Variants in PARD3B observed in about 807,000 individuals in gnomAD.
PARD3B encodes the protein partitioning defective 3 homolog B.
In PARD3B, 103 loss-of-function variants were observed where a neutral mutation model predicts 130.2. The observed-to-expected ratio is 0.79, with a 90% CI of 0.67 to 0.93. PARD3B has a LOEUF of 0.93. PARD3B is among the 40% of genes least tolerant of loss of function. The pLI, the probability that PARD3B is intolerant of heterozygous loss-of-function variation, is 0.00. For missense variants in PARD3B, 1,609 were observed against 1,499.2 expected, an observed-to-expected ratio of 1.07 and a Z score of -1.21; for synonymous variants, 583 against 553.2, an observed-to-expected ratio of 1.05 and a Z score of -0.76.
At chr2:205,055,081 C>T (rs1027772098) in intron 4 of PARD3B, among the ~76,000 whole-genome samples, 2 of 152,120 alleles carry the variant, frequency 1.3e-5, no homozygotes, top group African/African-American at 4.8e-5. Context: ...GTATTCAAGC[C>T]CCCAGGCACA....
At chr2:205,002,714 A>G (rs1017420669) in intron 3 of PARD3B, among the ~76,000 whole-genome samples, 1 of 152,072 alleles carries the variant, frequency 6.6e-6, no homozygotes, top group Non-Finnish European at 1.5e-5. Context: ...CAAAATAGCC[A>G]TCAGATCAGG....
Position 204,751,723 on chromosome 2 carries a change from A to G in PARD3B, c.222+65441A>G, listed in dbSNP as rs571250840. ...TTGACCAAAATTCAGCACTTGGCCA[A>G]AATTGCTGAAAATTGAGAGAAACTG... On this transcript the variant is annotated intron_variant, in intron 2 of 22. Coordinates refer to ENST00000406610, the MANE Select transcript of PARD3B (RefSeq NM_001302769.2). Among the ~76,000 whole-genome samples, 62 of 152,302 alleles carry G rather than the reference A, an allele frequency of 4.1e-4. No individual in the cohort carries two copies. The Middle Eastern group carries it at 0.014, about 33-fold the overall frequency.
chr2:204,812,388 G>A (rs1399995438), intron 2 of PARD3B, among the ~76,000 whole-genome samples: 1 of 152,102 alleles, frequency 6.6e-6, no homozygotes, highest in African/African-American at 2.4e-5. Flanking sequence ...GGGAGTGAAA[G>A]TTTATTAAAA....
chr2:204,837,280 C>T (rs917773194), intron 2 of PARD3B, among the ~76,000 whole-genome samples: 2 of 151,724 alleles, frequency 1.3e-5, no homozygotes, highest in African/African-American at 2.4e-5. Context: ...TACAAGAGCC[C>T]GTGTCTTCTA....
At chr2:204,781,839 T>C (rs971816829) in intron 2 of PARD3B, among the ~76,000 whole-genome samples, 4 of 152,128 alleles carry the variant, frequency 2.6e-5, no homozygotes, top group Admixed American at 6.6e-5. Flanking sequence ...TTTGCTTTGT[T>C]GAAACAAAGT....
chr2:205,440,578 C>T lies in PARD3B; in HGVS notation c.2950C>T (p.Arg984Trp), dbSNP rs199699507. The T allele has an allele frequency of 2.0e-4, 327 of 1,614,008 alleles. No homozygotes were observed. Among genetic ancestry groups the T allele is most frequent in the South Asian group, 2.9e-4 (26 of 91,076 alleles). The change falls in exon 20 of 23, where the codon CGG becomes TGG. Residue 984 changes from arginine (R) to tryptophan (W), a missense_variant. Coordinates refer to ENST00000406610, the MANE Select transcript of PARD3B (RefSeq NM_001302769.2). The surrounding 1 kb of genome is among the most constrained non-coding windows in gnomAD (Gnocchi z 4.2). ...PPRAGPFGYP[R>W]DGHPLSPERD... ...TCGAGCTGGACCATTTGGTTACCCTCGGGATGGCCATCCACTGTCTCCAGA... is the reference window on the plus strand; with the variant it reads ...TCGAGCTGGACCATTTGGTTACCCTTGGGATGGCCATCCACTGTCTCCAGA...
chr2:204,703,310 G>C (rs975555770), intron 2 of PARD3B, among the ~76,000 whole-genome samples: 1 of 152,114 alleles, frequency 6.6e-6, no homozygotes, highest in Non-Finnish European at 1.5e-5. Flanking sequence ...CCCTGCACTT[G>C]CTCATTTATG....
At chr2:205,354,288 T>C (rs12468851) in intron 18 of PARD3B, among the ~76,000 whole-genome samples, 90,729 of 150,760 alleles carry the variant, frequency 0.6, 30,460 homozygotes, top group South Asian at 0.77. Flanking sequence ...CCCGTTCAGT[T>C]ACCGGTCAGG....
chr2:204,735,907 G>A (rs2039726856), intron 2 of PARD3B, among the ~76,000 whole-genome samples: 1 of 152,144 alleles, frequency 6.6e-6, no homozygotes. Context: ...GGTGAAGGGT[G>A]TATGAGCATT....
intron 1 of PARD3B, among the ~76,000 whole-genome samples, chr2:204,679,552 A>G (rs1367663011): frequency 6.6e-6 from 1 of 152,158 alleles, no homozygotes; most frequent in African/African-American, 2.4e-5. Flanking sequence ...AATCTATGAT[A>G]GTCTTCTTTA....
chr2:205,498,695 A>G (rs763132926), intron 20 of PARD3B, among the ~76,000 whole-genome samples: 6 of 152,202 alleles, frequency 3.9e-5, no homozygotes, highest in Admixed American at 6.5e-5. Flanking sequence ...TCATTGCTTT[A>G]CTTTGCACTC....
intron 20 of PARD3B, among the ~76,000 whole-genome samples, chr2:205,485,884 C>T (rs2049420858): frequency 1.3e-5 from 2 of 152,174 alleles, no homozygotes; most frequent in Admixed American, 1.3e-4. Flanking sequence ...CAAGTTAACA[C>T]CCTCTGCTCT....
intron 20 of PARD3B, among the ~76,000 whole-genome samples, chr2:205,445,563 C>T (rs1210959996): frequency 2.0e-5 from 3 of 152,152 alleles, no homozygotes; most frequent in Non-Finnish European, 2.9e-5. Flanking sequence ...CGAGAACTCA[C>T]TCACCATTAC....
In PARD3B at chr2:205,146,312, C is replaced by T. The variant is rs2033354779; in HGVS notation, c.1435-12410C>T. ...AGGGCCCAGCTTCCCAAATGGGCTA[C>T]TTCTCAGGATCAGGCCCATTATGCT... On this transcript the variant is annotated intron_variant, in intron 10 of 22. Transcript: ENST00000406610. The surrounding 1 kb of genome is among the most constrained non-coding windows in gnomAD (Gnocchi z 4.3). Among the ~76,000 whole-genome samples, 1 of 152,166 alleles carries T rather than the reference C, an allele frequency of 6.6e-6. No individual in the cohort carries two copies. Among genetic ancestry groups the T allele is most frequent in the Non-Finnish European group, 1.5e-5 (1 of 68,040 alleles).
In PARD3B at chr2:204,809,210, C is replaced by G. The variant is rs372420284; in HGVS notation, c.222+122928C>G. On this transcript the variant is annotated intron_variant, in intron 2 of 22. Transcript: ENST00000406610. ...CATGTGCATAGTTTGAAAAAATTTT[C>G]TCCCATTCTGCAGGTTGTCTGTTTA... 2.6e-3 allele frequency among the ~76,000 whole-genome samples: 393 copies of G among 151,988 alleles called. 1 individual carries two copies. Among genetic ancestry groups the G allele is most frequent in the Middle Eastern group, 0.014 (4 of 294 alleles).
At chr2:205,412,416 G>A (rs2046631118) in intron 19 of PARD3B, among the ~76,000 whole-genome samples, 1 of 152,148 alleles carries the variant, frequency 6.6e-6, no homozygotes, top group Non-Finnish European at 1.5e-5. Flanking sequence ...GAAGATATAA[G>A]TATTCATGTT....
chr2:204,824,388 T>G (rs2043487086), intron 2 of PARD3B, among the ~76,000 whole-genome samples: 1 of 152,198 alleles, frequency 6.6e-6, no homozygotes, highest in African/African-American at 2.4e-5. Context: ...TCTCCATCTC[T>G]CTGCTTGCTA....
In PARD3B at chr2:205,078,336, C is replaced by T. The variant is rs1183642099; in HGVS notation, c.505-26090C>T. ...TAGGTTCACTCAATGGCTATCGCAG[C>T]ATCATTCTTCATAATTTTTATTAAT... On this transcript the variant is annotated intron_variant, in intron 4 of 22. Coordinates refer to ENST00000406610, the MANE Select transcript of PARD3B (RefSeq NM_001302769.2). The surrounding 1 kb of genome is among the most constrained non-coding windows in gnomAD (Gnocchi z 4.0). Among the ~76,000 whole-genome samples the T allele has an allele frequency of 1.3e-5, 2 of 152,180 alleles. No homozygotes were observed. Among genetic ancestry groups the T allele is most frequent in the South Asian group, 4.1e-4 (2 of 4,830 alleles).
At chr2:205,420,329 CT>C (rs1458798173) in intron 19 of PARD3B, among the ~76,000 whole-genome samples, 11 of 152,172 alleles carry the variant, frequency 7.2e-5, no homozygotes, top group Admixed American at 1.3e-4. Context: ...CTTCTAATAG[CT>C]TTAGTAGTAT....
Sources: allele counts gnomAD v4.1 joint callset (sites outside exome capture counted in the v4.1 genomes callset), GRCh38; gene constraint gnomAD v4.1.1; non-coding constraint Gnocchi (gnomAD v3.1); transcripts MANE v1.5; gene names NCBI Gene and HGNC (gene_info 2026-07-23, HGNC 2026-07-21).